LRRC4C: variants seen among roughly 807,000 people sequenced by gnomAD.
LRRC4C encodes the protein leucine rich repeat containing 4C, also known as leucine-rich repeat-containing protein 4C.
LRRC4C carries 5 observed loss-of-function variants against 33.6 expected under a neutral mutation model. The observed-to-expected ratio is 0.15, with a 90% CI of 0.08 to 0.31. The LOEUF (loss-of-function observed/expected upper bound fraction) is 0.31. Among genes scored for constraint, LRRC4C ranks in the 10% least tolerant of loss-of-function variants. The pLI is 1.00. For synonymous variants in LRRC4C, 329 were observed against 302.0 expected (o/e 1.09, Z -0.93); for missense variants, 560 against 796.7 (o/e 0.70, Z 3.58).
chr11:41,258,782 C>A (rs552000546), intron 1 of LRRC4C, among the ~76,000 whole-genome samples: 2 of 151,972 alleles, frequency 1.3e-5, no homozygotes, highest in South Asian at 4.1e-4. Context: ...CATTAACACT[C>A]TAGAATATGT....
chr11:40,422,590 G>T (rs1253029631), intron 3 of LRRC4C, among the ~76,000 whole-genome samples: 2 of 151,838 alleles, frequency 1.3e-5, no homozygotes, highest in Non-Finnish European at 2.9e-5. Flanking sequence ...ATAAAAGAAG[G>T]TGAATAACAG....
At chr11:40,243,151 G>A (rs1866051314) in intron 4 of LRRC4C, among the ~76,000 whole-genome samples, 1 of 152,134 alleles carries the variant, frequency 6.6e-6, no homozygotes, top group Admixed American at 6.5e-5. Flanking sequence ...TCCATTTCCT[G>A]TATGGTAATG....
chr11:40,775,646 A>T (rs997971787), intron 2 of LRRC4C, among the ~76,000 whole-genome samples: 3 of 152,126 alleles, frequency 2.0e-5, no homozygotes, highest in African/African-American at 7.2e-5. Flanking sequence ...AACTTACTGA[A>T]GTTGTTTTTC....
chr11:40,124,786 C>G (rs1565017781), intron 6 of LRRC4C, among the ~76,000 whole-genome samples: 3 of 152,020 alleles, frequency 2.0e-5, no homozygotes, highest in Admixed American at 2.0e-4. Context: ...ATTTACTGTA[C>G]ATTTTAAAAT....
chr11:41,035,735 G>A (rs765956661), intron 1 of LRRC4C, among the ~76,000 whole-genome samples: 5 of 151,996 alleles, frequency 3.3e-5, no homozygotes, highest in Non-Finnish European at 7.4e-5. Flanking sequence ...TTACAAATAA[G>A]GAAACTGAAA....
rs376130518 is a variant in LRRC4C at position 41,233,084 on chromosome 11, T to C, written c.-496+226347A>G. Among the ~76,000 whole-genome samples, 5 of 152,220 alleles carry C rather than the reference T, an allele frequency of 3.3e-5. No individual in the cohort carries two copies. In the East Asian group the frequency reaches 7.7e-4, roughly 23 times the overall value. Reference sequence around the variant, plus strand: ...TTATATTTCTTAATTGCTCTTTCTTTAGACATTTACTTGATAAATGTTTAG... The same window carrying C: ...TTATATTTCTTAATTGCTCTTTCTTCAGACATTTACTTGATAAATGTTTAG... On this transcript the variant is annotated intron_variant, in intron 1 of 6. Transcript: ENST00000528697.
intron 5 of LRRC4C, among the ~76,000 whole-genome samples, chr11:40,212,859 A>G (rs1161059822): frequency 6.6e-6 from 1 of 152,148 alleles, no homozygotes; most frequent in East Asian, 1.9e-4. Context: ...ACCACTGGCA[A>G]ACAGCTGGGA....
chr11:40,957,964 TG>T (rs144528133), intron 1 of LRRC4C, among the ~76,000 whole-genome samples: 13,389 of 151,310 alleles, frequency 0.088, 638 homozygotes, highest in Non-Finnish European at 0.099. Context: ...TATTAGGAGG[TG>T]GGGTCTTTGG....
Position 40,114,885 on chromosome 11 carries a change from G to A in LRRC4C, c.1408C>T (p.Arg470Trp), listed in dbSNP as rs140686123. The A allele has an allele frequency of 5.6e-5, 91 of 1,614,134 alleles. 1 individual carries two copies. The Admixed American group carries it at 5.7e-4, about 10-fold the overall frequency. Residue 470 changes from arginine to tryptophan, a missense_variant, in exon 7 of 7, where the codon CGG becomes TGG. By Grantham distance (101) the Arg-to-Trp change is moderately radical. Around this residue, in one of 3 missense-constraint regions of LRRC4C, gnomAD observed 455 missense variants for 643.8 expected, o/e 0.71. Coordinates refer to ENST00000528697, the MANE Select transcript of LRRC4C (RefSeq NM_001258419.2). ...ETMEPSQDEA[R>W]TTDNNVGPTP... ...GGACCCACATTGTTATCTGTGGTCCGTGCCTCATCCTGAGACGGTTCCATA... is the reference window on the plus strand; with the variant it reads ...GGACCCACATTGTTATCTGTGGTCCATGCCTCATCCTGAGACGGTTCCATA...
At chr11:41,106,436 A>G (rs1457249076) in intron 1 of LRRC4C, among the ~76,000 whole-genome samples, 1 of 139,748 alleles carries the variant, frequency 7.2e-6, no homozygotes, top group Non-Finnish European at 1.6e-5. Context: ...AAACCCTTCT[A>G]AGAATTTATC....
chr11:41,104,681 T>C (rs1472214556), intron 1 of LRRC4C, among the ~76,000 whole-genome samples: 3 of 151,928 alleles, frequency 2.0e-5, no homozygotes, highest in Admixed American at 2.0e-4. Context: ...GGCAACAGTA[T>C]TTATAATAGC....
intron 1 of LRRC4C, among the ~76,000 whole-genome samples, chr11:41,144,865 C>A (rs1943661383): frequency 6.6e-6 from 1 of 152,104 alleles, no homozygotes; most frequent in South Asian, 2.1e-4. Flanking sequence ...TTAAAAAATG[C>A]ACATATTAAG....
intron 1 of LRRC4C, among the ~76,000 whole-genome samples, chr11:41,183,838 C>T (rs1258078018): frequency 1.3e-5 from 2 of 152,194 alleles, no homozygotes; most frequent in African/African-American, 4.8e-5. Flanking sequence ...CAAACTTTTG[C>T]CTGGACATCC....
At chr11:40,925,993 C>T (rs969693341) in intron 2 of LRRC4C, among the ~76,000 whole-genome samples, 1 of 151,338 alleles carries the variant, frequency 6.6e-6, no homozygotes, top group Non-Finnish European at 1.5e-5. Context: ...TAGAAACATC[C>T]TAAGCTTTAC....
intron 1 of LRRC4C, among the ~76,000 whole-genome samples, chr11:41,457,026 G>T (rs1316816164): frequency 6.6e-6 from 1 of 152,170 alleles, no homozygotes; most frequent in Non-Finnish European, 1.5e-5. Flanking sequence ...TCATGAAAGT[G>T]TTGCTATCGC....
At chr11:41,079,823 G>C (rs1259850334) in intron 1 of LRRC4C, among the ~76,000 whole-genome samples, 1 of 152,120 alleles carries the variant, frequency 6.6e-6, no homozygotes, top group African/African-American at 2.4e-5. Flanking sequence ...GTGTTAGTGT[G>C]CTTTGTGTGT....
intron 5 of LRRC4C, among the ~76,000 whole-genome samples, chr11:40,150,797 G>A (rs747851919): frequency 5.9e-5 from 9 of 152,154 alleles, no homozygotes; most frequent in African/African-American, 9.7e-5. Context: ...ATTGAAGGGA[G>A]AAGTAGATCA....
At chr11:40,288,256 G>A (rs570358287) in intron 4 of LRRC4C, among the ~76,000 whole-genome samples, 1 of 152,220 alleles carries the variant, frequency 6.6e-6, no homozygotes, top group South Asian at 2.1e-4. Context: ...TCTTTAGGAA[G>A]CATGCAAAAA....
intron 1 of LRRC4C, among the ~76,000 whole-genome samples, chr11:40,953,846 A>G (rs191363011): frequency 6.6e-6 from 1 of 151,894 alleles, no homozygotes; most frequent in African/African-American, 2.4e-5. Context: ...TTAATAATTT[A>G]AAAACACTTT....
Sources: allele counts gnomAD v4.1 joint callset (sites outside exome capture counted in the v4.1 genomes callset), GRCh38; gene constraint gnomAD v4.1.1; regional missense constraint gnomAD v4.1.1; transcripts MANE v1.5; gene names NCBI Gene and HGNC (gene_info 2026-07-23, HGNC 2026-07-21).